The following GRM7 variants were observed in gnomAD, a reference collection of about 807,000 sequenced individuals.
GRM7 encodes glutamate metabotropic receptor 7.
In GRM7, 35 loss-of-function variants were observed where a neutral mutation model predicts 84.5. That is an observed-to-expected ratio of 0.41 (90% CI 0.32 to 0.55). GRM7 has a LOEUF of 0.55. Ranked by LOEUF, GRM7 falls within the 20% of genes least tolerant of loss-of-function variation. GRM7 has a pLI of 0.19. For synonymous variants in GRM7, 487 were observed against 455.1 expected (o/e 1.07, Z -0.89); for missense variants, 1,003 against 1,194.6 (o/e 0.84, Z 2.36).
chr3:7,653,562 T>C (rs1699053107), intron 8 of GRM7, among the ~76,000 whole-genome samples: 1 of 152,166 alleles, frequency 6.6e-6, no homozygotes, highest in Non-Finnish European at 1.5e-5. Context: ...AGTCTCTCCA[T>C]GGCCACCAGA....
intron 1 of GRM7, among the ~76,000 whole-genome samples, chr3:7,054,835 G>T (rs1419464704): frequency 6.6e-6 from 1 of 151,770 alleles, no homozygotes; most frequent in African/African-American, 2.4e-5. Context: ...TGGGTTCCCT[G>T]AAACTCAAAT....
chr3:7,258,474 G>A (rs1313258529), intron 2 of GRM7, among the ~76,000 whole-genome samples: 2 of 152,144 alleles, frequency 1.3e-5, no homozygotes, highest in Non-Finnish European at 2.9e-5. Flanking sequence ...GTACCAGAGA[G>A]CACACATCTT....
chr3:7,057,592 TAAAA>T (rs924797084), intron 1 of GRM7, among the ~76,000 whole-genome samples: 2 of 151,820 alleles, frequency 1.3e-5, no homozygotes, highest in Non-Finnish European at 2.9e-5. Flanking sequence ...GTTTAAAAAA[TAAAA>T]AAAATCAGTT....
In GRM7 at chr3:7,656,540, C is replaced by CGT. The variant is rs1491331534; in HGVS notation, c.2452-23508_2452-23507insTG. Among the ~76,000 whole-genome samples the CGT allele has an allele frequency of 1.5e-4, 9 of 60,620 alleles. No homozygotes were observed. The East Asian group carries it at 3.0e-3, about 20-fold the overall frequency. 39.8% of individuals were successfully genotyped at this position (60,620 alleles called of 152,430 possible). On this transcript the variant is annotated intron_variant, in intron 8 of 9. Transcript: ENST00000357716. ...AAAAAAAAATATATATATATATATA[C>CGT]GCGCGCGCACACACACACACACACA...
chr3:7,111,611 C>T (rs1054388768), intron 1 of GRM7, among the ~76,000 whole-genome samples: 4 of 152,118 alleles, frequency 2.6e-5, no homozygotes, highest in African/African-American at 9.7e-5. Context: ...AGCTGTGACT[C>T]AATCTATGAT....
intron 1 of GRM7, among the ~76,000 whole-genome samples, chr3:6,986,059 C>T (rs1489031544): frequency 6.6e-6 from 1 of 152,090 alleles, no homozygotes; most frequent in Non-Finnish European, 1.5e-5. Flanking sequence ...CTGGTGGCCA[C>T]AGTGGGTATG....
At chr3:7,516,505 AGAAAT>A (rs1559373951) in intron 7 of GRM7, among the ~76,000 whole-genome samples, 15 of 119,938 alleles carry the variant, frequency 1.3e-4, no homozygotes, top group Non-Finnish European at 2.0e-4. Context: ...AAAAAAAAAA[AGAAAT>A]AGTTAGTTCA....
At position 7,481,720 on chromosome 3, in the gene GRM7, T is replaced by C. The variant is rs146823181; in HGVS notation, c.1515+19998T>C. Among the ~76,000 whole-genome samples the C allele has an allele frequency of 4.4e-3, 672 of 152,324 alleles. 5 individuals carry two copies. The highest frequency in any genetic ancestry group is 0.015 in the African/African-American group (622 of 41,566). Reference sequence around the variant, plus strand: ...AGGAAAGTAAAAGAACTCTTGCCTATTAATGTGGATATTAAATGTACACAA... The same window carrying C: ...AGGAAAGTAAAAGAACTCTTGCCTACTAATGTGGATATTAAATGTACACAA... On this transcript the variant is annotated intron_variant, in intron 7 of 9. Coordinates refer to ENST00000357716, the MANE Select transcript of GRM7 (RefSeq NM_000844.4).
At chr3:6,936,672 TTG>T (rs2125051388) in intron 1 of GRM7, among the ~76,000 whole-genome samples, 1 of 152,308 alleles carries the variant, frequency 6.6e-6, no homozygotes. Context: ...CTTCTAATCT[TTG>T]TGTGTGTTAT....
At chr3:7,149,131 G>A (rs1694199754) in intron 2 of GRM7, among the ~76,000 whole-genome samples, 1 of 152,148 alleles carries the variant, frequency 6.6e-6, no homozygotes, top group Admixed American at 6.6e-5. Context: ...ACATGTGCAA[G>A]TGATTTAGTT....
At chr3:7,622,155 C>T (rs1207289496) in intron 8 of GRM7, among the ~76,000 whole-genome samples, 3 of 152,062 alleles carry the variant, frequency 2.0e-5, no homozygotes, top group African/African-American at 4.8e-5. Context: ...AAGCTGCAGA[C>T]CAGAGTTTGT....
At chr3:6,924,397 T>C (rs1697228640) in intron 1 of GRM7, among the ~76,000 whole-genome samples, 1 of 152,204 alleles carries the variant, frequency 6.6e-6, no homozygotes, top group Non-Finnish European at 1.5e-5. Context: ...TAACTTTGGC[T>C]ATAGATGGAG....
rs893217898 is a variant in GRM7, at chr3:7,162,704, C to T, written c.736+16036C>T. 9.1e-5 allele frequency among the ~76,000 whole-genome samples: 12 copies of T among 131,678 alleles called. No homozygotes were observed. The East Asian group carries it at 2.8e-3, about 30-fold the overall frequency. The allele number at this position is 131,678 out of a possible 152,430, so 86.4% of individuals were successfully genotyped here. ...GATGTTTGTTTTCTGCATCTACTTG[C>T]AATCTCCCATTACTCCCATTTTTCA... On this transcript the variant is annotated intron_variant, in intron 2 of 9. Coordinates refer to ENST00000357716, the MANE Select transcript of GRM7 (RefSeq NM_000844.4).
chr3:7,637,254 C>T (rs1486683146), intron 8 of GRM7, among the ~76,000 whole-genome samples: 5 of 152,172 alleles, frequency 3.3e-5, no homozygotes, highest in Non-Finnish European at 7.3e-5. Context: ...AATGATCCTC[C>T]CTTGTTGGCC....
Position 7,333,774 on chromosome 3 carries a change from C to A in GRM7, c.1033+27122C>A, listed in dbSNP as rs532926036. ...ATAAATATTATAAAGAAAAAACAAT[C>A]AAAACTTCTGGAAAATAAAGACACA... On this transcript the variant is annotated intron_variant, in intron 4 of 9. Transcript: ENST00000357716. Among the ~76,000 whole-genome samples, 68 of 151,562 alleles carry A rather than the reference C, an allele frequency of 4.5e-4. 1 individual carries two copies. Among genetic ancestry groups the A allele is most frequent in the African/African-American group, 1.5e-3 (61 of 41,364 alleles).
At chr3:7,019,123 A>AT (rs376707043) in intron 1 of GRM7, among the ~76,000 whole-genome samples, 2 of 152,316 alleles carry the variant, frequency 1.3e-5, no homozygotes, top group African/African-American at 4.8e-5. Context: ...AGTTTTGTGA[A>AT]TTTAAAGTTT....
chr3:6,884,346 G>C (rs1176304952), intron 1 of GRM7: 1 of 152,524 alleles, frequency 6.6e-6, no homozygotes, highest in Admixed American at 6.6e-5. Flanking sequence ...AAGTAGGTTT[G>C]TATGATCAGC....
intron 1 of GRM7, among the ~76,000 whole-genome samples, chr3:6,974,534 G>A (rs940027624): frequency 1.1e-4 from 17 of 152,282 alleles, no homozygotes; most frequent in Middle Eastern, 3.4e-3. Context: ...TGTAGAATGC[G>A]AGGGTATCAG....
chr3:7,109,177 C>T (rs1692758704), intron 1 of GRM7, among the ~76,000 whole-genome samples: 1 of 151,924 alleles, frequency 6.6e-6, no homozygotes, highest in Non-Finnish European at 1.5e-5. Flanking sequence ...CAGTTTAGTT[C>T]ATTTTTTGGT....
Sources: gnomAD v4.1 joint callset for allele counts (sites outside exome capture counted in the v4.1 genomes callset) on GRCh38, gnomAD v4.1.1 for gene constraint, MANE v1.5 for transcripts, NCBI Gene and HGNC (gene_info 2026-07-23, HGNC 2026-07-21) for gene names.